APBB2: variants seen among roughly 807,000 people sequenced by gnomAD.
APBB2 encodes the protein Fe65-like 1.
APBB2 carries 38 observed loss-of-function variants against 82.5 expected under a neutral mutation model. The observed-to-expected ratio is 0.46, with a 90% CI of 0.36 to 0.60. APBB2 has a LOEUF of 0.60. Among genes scored for constraint, APBB2 ranks in the 20% least tolerant of loss-of-function variants. The pLI, the probability that APBB2 is intolerant of heterozygous loss-of-function variation, is 0.00. For missense variants in APBB2, 772 were observed against 972.3 expected (o/e 0.79, Z 2.74); for synonymous variants, 341 against 368.2 (o/e 0.93, Z 0.85).
intron 3 of APBB2, among the ~76,000 whole-genome samples, chr4:41,076,320 T>C (rs1356640646): frequency 6.6e-6 from 1 of 152,214 alleles, no homozygotes; most frequent in Admixed American, 6.5e-5. Context: ...CAAGTCATTT[T>C]AAGGAGTAAA....
At chr4:41,013,318 T>C (rs1808910672) in intron 6 of APBB2, among the ~76,000 whole-genome samples, 1 of 152,222 alleles carries the variant, frequency 6.6e-6, no homozygotes, top group South Asian at 2.1e-4. Flanking sequence ...GATATTTTAC[T>C]GTACTTAACA....
At chr4:41,075,587 G>C (rs1360818485) in intron 3 of APBB2, among the ~76,000 whole-genome samples, 1 of 152,180 alleles carries the variant, frequency 6.6e-6, no homozygotes, top group East Asian at 1.9e-4. Context: ...ACTGGATAAA[G>C]GGGCTCTTAG....
At chr4:40,824,010 G>A (rs1270466693) in intron 15 of APBB2, among the ~76,000 whole-genome samples, 1 of 152,112 alleles carries the variant, frequency 6.6e-6, no homozygotes, top group Non-Finnish European at 1.5e-5. Flanking sequence ...GACCAGCCTG[G>A]CCAACACGGT....
intron 6 of APBB2, among the ~76,000 whole-genome samples, chr4:40,966,589 C>T (rs911360004): frequency 3.3e-5 from 5 of 152,236 alleles, no homozygotes; most frequent in Non-Finnish European, 7.3e-5. Context: ...TTCCTGCTGC[C>T]TGGCCTCTCC....
At chr4:41,106,678 G>T (rs531871364) in intron 2 of APBB2, among the ~76,000 whole-genome samples, 2 of 152,016 alleles carry the variant, frequency 1.3e-5, no homozygotes, top group Admixed American at 6.6e-5. Context: ...GGGTTTCACC[G>T]TGTTAGCCAG....
chr4:40,925,940 C>T (rs919060329), intron 10 of APBB2, among the ~76,000 whole-genome samples: 1 of 152,176 alleles, frequency 6.6e-6, no homozygotes, highest in Non-Finnish European at 1.5e-5. Flanking sequence ...ACCTACTACC[C>T]GATGGTTTGT....
chr4:41,137,277 A>G (rs1367492302), intron 2 of APBB2, among the ~76,000 whole-genome samples: 1 of 152,230 alleles, frequency 6.6e-6, no homozygotes, highest in Non-Finnish European at 1.5e-5. Flanking sequence ...ACCTTCATTC[A>G]GTAGTTATTG....
At chr4:41,067,426 G>T (rs894205398) in intron 3 of APBB2, among the ~76,000 whole-genome samples, 2 of 148,174 alleles carry the variant, frequency 1.3e-5, no homozygotes, top group African/African-American at 2.4e-5. Flanking sequence ...AAAAAAAAAA[G>T]AGAGAGAAAT....
intron 1 of APBB2, among the ~76,000 whole-genome samples, chr4:41,165,488 T>C (rs887448409): frequency 2.0e-5 from 3 of 152,088 alleles, no homozygotes; most frequent in African/African-American, 7.2e-5. Flanking sequence ...TTTCTCTCTC[T>C]CTTCTTATCT....
intron 3 of APBB2, among the ~76,000 whole-genome samples, chr4:41,068,078 A>G (rs10938518): frequency 0.39 from 59,567 of 152,024 alleles, 12,475 homozygotes; most frequent in Non-Finnish European, 0.48. Flanking sequence ...GAAGGAAAGT[A>G]CAGTAGCTCC....
chr4:40,916,669 CT>C lies in APBB2; in HGVS notation c.1254+17786del, dbSNP rs569580641. 8.5e-5 allele frequency among the ~76,000 whole-genome samples: 13 copies of C among 152,266 alleles called. No homozygotes were observed. The East Asian group carries it at 2.3e-3, about 27-fold the overall frequency. ...ACCAGGAAAGACAGACAGGGAGAAACTGAAGGAAGCCCAGGAGGTCCAGAAA... is the reference window on the plus strand; with the variant it reads ...ACCAGGAAAGACAGACAGGGAGAAACGAAGGAAGCCCAGGAGGTCCAGAAA... On this transcript the variant is annotated intron_variant, in intron 10 of 17. Coordinates refer to ENST00000508593, the MANE Select transcript of APBB2 (RefSeq NM_004307.2).
intron 6 of APBB2, among the ~76,000 whole-genome samples, chr4:40,947,424 A>G (rs1788757046): frequency 6.6e-6 from 1 of 152,238 alleles, no homozygotes; most frequent in Non-Finnish European, 1.5e-5. Context: ...TACATACATT[A>G]TCAAAATATG....
At chr4:41,196,599 CTTTTTT>C in intron 1 of APBB2, among the ~76,000 whole-genome samples, 2 of 100,350 alleles carry the variant, frequency 2.0e-5, no homozygotes, top group East Asian at 2.7e-4. Flanking sequence ...AAGCCCCCTG[CTTTTTT>C]TTTTTTTTTT....
At chr4:40,834,586 C>T (rs547976967) in intron 12 of APBB2, among the ~76,000 whole-genome samples, 2 of 152,324 alleles carry the variant, frequency 1.3e-5, no homozygotes, top group South Asian at 4.1e-4. Context: ...TGTTCCCTTA[C>T]ATGCCAACAG....
At chr4:40,819,176 C>CTTTT (rs1188181954) in intron 17 of APBB2, among the ~76,000 whole-genome samples, 7 of 135,224 alleles carry the variant, frequency 5.2e-5, no homozygotes, top group African/African-American at 1.1e-4. Context: ...CCTTGGCTCT[C>CTTTT]TTTTTTTTTT....
intron 10 of APBB2, among the ~76,000 whole-genome samples, chr4:40,926,682 A>G (rs1041959232): frequency 6.6e-6 from 1 of 152,102 alleles, no homozygotes; most frequent in Non-Finnish European, 1.5e-5. Context: ...CGAAATCTTG[A>G]CCTCAGGTGA....
At chr4:41,152,991 T>C (rs1014384643) in intron 1 of APBB2, among the ~76,000 whole-genome samples, 4 of 152,218 alleles carry the variant, frequency 2.6e-5, no homozygotes, top group Non-Finnish European at 2.9e-5. Context: ...AATTTTGGAA[T>C]ATTCTGCAGA....
intron 6 of APBB2, among the ~76,000 whole-genome samples, chr4:40,955,025 G>T (rs1171609541): frequency 6.6e-6 from 1 of 152,194 alleles, no homozygotes; most frequent in East Asian, 1.9e-4. Flanking sequence ...TGTGTACTCA[G>T]TCATTCATTC....
At chr4:41,176,848 A>C (rs1769942485) in intron 1 of APBB2, among the ~76,000 whole-genome samples, 1 of 152,188 alleles carries the variant, frequency 6.6e-6, no homozygotes, top group Non-Finnish European at 1.5e-5. Flanking sequence ...TTAATATCTA[A>C]ATTGAAATAA....
Sources: gnomAD v4.1 joint callset for allele counts (sites outside exome capture counted in the v4.1 genomes callset) on GRCh38, gnomAD v4.1.1 for gene constraint, MANE v1.5 for transcripts, NCBI Gene and HGNC (gene_info 2026-07-23, HGNC 2026-07-21) for gene names.